The following PYHIN1 variants were observed in gnomAD, a reference collection of about 807,000 sequenced individuals.
The protein encoded by PYHIN1 is pyrin and HIN domain-containing protein 1.
Under a neutral mutation model 43.7 loss-of-function variants are expected in PYHIN1, and 32 were observed. The observed-to-expected ratio is 0.73, with a 90% confidence interval of 0.55 to 0.98. The LOEUF is 0.98. PYHIN1 is among the 50% of genes least tolerant of loss of function. PYHIN1 has a pLI of 0.00. For missense variants in PYHIN1, 588 were observed against 589.5 expected (o/e 1.00, Z 0.03); for synonymous variants, 205 against 203.1 (o/e 1.01, Z -0.08).
At chr1:158,931,948 T>C (rs1488478473) in intron 1 of PYHIN1, among the ~76,000 whole-genome samples, 172 bp downstream of exon 1, 2 of 152,196 alleles carry the variant, frequency 1.3e-5, no homozygotes, top group Non-Finnish European at 2.9e-5. Context: ...TCCAATTCTT[T>C]ACTTACTTCA....
rs1651273524 is a variant in PYHIN1 at position 158,976,623 on chromosome 1, G to A, written c.*6-78G>A. ...GAAGAGATGTGGCTCACAGGGAGGAGAGGCAGTGTGATTGAAGAAAGAAAT... is the reference window on the plus strand; with the variant it reads ...GAAGAGATGTGGCTCACAGGGAGGAAAGGCAGTGTGATTGAAGAAAGAAAT... On this transcript the variant is annotated intron_variant, in intron 8 of 8. Transcript: ENST00000368140. 2.9e-5 allele frequency: 30 copies of A among 1,039,736 alleles called. No individual in the cohort carries two copies. The South Asian group carries it at 4.3e-4, about 15-fold the overall frequency. The allele number at this position is 1,039,736 out of a possible 1,614,324, so 64.4% of individuals were successfully genotyped here.
In PYHIN1 at chr1:158,951,567, AC is replaced by A. The variant is rs202105396; in HGVS notation, c.1359+6527del. Among the ~76,000 whole-genome samples, 586 of 152,338 alleles carry A rather than the reference AC, an allele frequency of 3.8e-3. 5 individuals are homozygous for A. The highest frequency in any genetic ancestry group is 0.028 in the East Asian group (143 of 5,186). ...CGAGTGATTGAATTACGTGGTCTCC[AC>A]CAGACTAGCGCTTTTCCATGTTTAC... On this transcript the variant is annotated intron_variant, in intron 7 of 8. Transcript: ENST00000368140.
intron 7 of PYHIN1, among the ~76,000 whole-genome samples, chr1:158,959,080 GT>G (rs544870016): frequency 6.6e-6 from 1 of 151,698 alleles, no homozygotes; most frequent in Admixed American, 6.6e-5. Flanking sequence ...TGACCGTGCA[GT>G]TTTTTTCACC....
chr1:158,967,340 A>G (rs1353936663), intron 7 of PYHIN1, among the ~76,000 whole-genome samples: 2 of 152,024 alleles, frequency 1.3e-5, no homozygotes, highest in Admixed American at 6.6e-5. Context: ...CATTTTTTAC[A>G]TAAGGAAACT....
At chr1:158,967,327 T>C (rs1173178395) in intron 7 of PYHIN1, among the ~76,000 whole-genome samples, 1 of 152,042 alleles carries the variant, frequency 6.6e-6, no homozygotes, top group East Asian at 1.9e-4. Context: ...GAGGCAATCA[T>C]TTCATTTTTT....
intron 1 of PYHIN1, among the ~76,000 whole-genome samples, chr1:158,936,154 C>T (rs1001094245): frequency 7.2e-6 from 1 of 139,764 alleles, no homozygotes; most frequent in African/African-American, 2.6e-5. Context: ...TGGTGTGCTG[C>T]ACCCATTAAC....
intron 8 of PYHIN1, among the ~76,000 whole-genome samples, chr1:158,976,275 AT>A (rs1489596782): frequency 1.3e-5 from 2 of 152,224 alleles, no homozygotes; most frequent in East Asian, 3.9e-4. Context: ...AGGCTTTCTG[AT>A]TGCTCCAGTT....
chr1:158,931,789 G>C lies in PYHIN1; in HGVS notation c.-21+13G>C, dbSNP rs756881508. 3.9e-5 allele frequency: 6 copies of C among 152,040 alleles called. No homozygotes were observed. Among genetic ancestry groups the C allele is most frequent in the African/African-American group, 1.4e-4 (6 of 41,410 alleles). The allele number at this position is 152,040 out of a possible 1,614,324, so 9.4% of individuals were successfully genotyped here. A position where few individuals can be genotyped will look rare whatever the true frequency, so the allele number is the denominator to read the frequency against. ...AATTCCCAGTAAGGTGAGTACTGTG[G>C]GTATTTTTTATAGAAAAGATCTAGA... On this transcript the variant is annotated intron_variant, in intron 1 of 8. Transcript: ENST00000368140.
intron 7 of PYHIN1, among the ~76,000 whole-genome samples, chr1:158,960,972 G>T (rs1210563723): frequency 6.6e-6 from 1 of 152,114 alleles, no homozygotes; most frequent in Non-Finnish European, 1.5e-5. Flanking sequence ...ATACCAATTT[G>T]ATCTAGGGTT....
chr1:158,964,021 TG>T (rs1650478038), intron 7 of PYHIN1, among the ~76,000 whole-genome samples: 1 of 151,828 alleles, frequency 6.6e-6, no homozygotes, highest in Non-Finnish European at 1.5e-5. Flanking sequence ...ATAGAAAAAA[TG>T]GCCATCATAA....
chr1:158,937,281 G>C, intron 2 of PYHIN1, 106 bp downstream of exon 2: 1 of 1,245,628 alleles, frequency 8.0e-7, no homozygotes, highest in African/African-American at 1.5e-5. Context: ...TTCCCAATTT[G>C]TGACTCACTG....
At chr1:158,978,116 T>G (rs1651356793), downstream of PYHIN1, among the ~76,000 whole-genome samples, 1 of 151,996 alleles carries the variant, frequency 6.6e-6, no homozygotes, top group Admixed American at 6.6e-5. Flanking sequence ...ATAAATGTAG[T>G]TTTTTTTTCC....
rs1392756867 is a variant in PYHIN1, at chr1:158,933,361, A to G, written c.-21+1585A>G. Among the ~76,000 whole-genome samples, 2 of 151,614 alleles carry G rather than the reference A, an allele frequency of 1.3e-5. No homozygotes were observed. The highest frequency in any genetic ancestry group is 1.3e-4 in the Admixed American group (2 of 15,208). ...AATATACATTTATTATTATTAGATA[A>G]ATCTATAATTTAAATTATTGTATCT... On this transcript the variant is annotated intron_variant, in intron 1 of 8. Coordinates refer to ENST00000368140, the MANE Select transcript of PYHIN1 (RefSeq NM_152501.5). This position sits in a 1 kb window ranked among gnomAD's most constrained non-coding sequence, Gnocchi z 6.3.
chr1:158,950,001 T>C (rs888201040), intron 7 of PYHIN1, among the ~76,000 whole-genome samples: 2 of 152,024 alleles, frequency 1.3e-5, no homozygotes, highest in Non-Finnish European at 2.9e-5. Context: ...GATAGTGGAG[T>C]GATATGTAGT....
At chr1:158,973,464 C>T (rs1651051733) in intron 7 of PYHIN1, among the ~76,000 whole-genome samples, 183 bp from the exon 8 acceptor site, 1 of 150,536 alleles carries the variant, frequency 6.6e-6, no homozygotes, top group African/African-American at 2.4e-5. Context: ...TGCCAGCATC[C>T]AGAGAGATTA....
rs1648975255 is a variant in PYHIN1, at chr1:158,942,382, T to C, written c.985T>C (p.Leu329=). The C allele has an allele frequency of 2.5e-6, 4 of 1,595,938 alleles. No homozygotes were observed. The highest frequency in any genetic ancestry group is 2.6e-6 in the Non-Finnish European group (3 of 1,173,452). ...KQTSGYIVYG[L]FMLHTKIVNR... is the part of the protein sequence containing the mutation. Reference sequence around the variant, plus strand: ...AACTTCAGGATATATTGTATATGGATTATTTATGCTACATACGGTAAGGCA... The same window carrying C: ...AACTTCAGGATATATTGTATATGGACTATTTATGCTACATACGGTAAGGCA... The change falls in exon 5 of 9, where the codon TTA becomes CTA. Residue 329 remains leucine, a synonymous_variant. Transcript: ENST00000368140.
Position 158,973,634 on chromosome 1 carries a change from T to A in PYHIN1, c.1360-13T>A. ...AAAGTGAAAGACTAAATTACCCAAA[T>A]TTATGACTCCAGAAGGATGAAACCC... On this transcript the variant is annotated splice_polypyrimidine_tract_variant and intron_variant, in intron 7 of 8. Transcript: ENST00000368140. 1.2e-6 allele frequency: 2 copies of A among 1,612,174 alleles called. No homozygotes were observed. Among genetic ancestry groups the A allele is most frequent in the Admixed American group, 1.7e-5 (1 of 59,618 alleles).
intron 7 of PYHIN1, among the ~76,000 whole-genome samples, chr1:158,955,358 C>T (rs1160234895): frequency 2.0e-5 from 3 of 149,800 alleles, no homozygotes; most frequent in African/African-American, 7.4e-5. Context: ...GGAAGTAAAG[C>T]TCTCCTCAGC....
chr1:158,988,452 G>A, the PYHIN1 span, among the ~76,000 whole-genome samples: 1 of 152,124 alleles, frequency 6.6e-6, no homozygotes, highest in Non-Finnish European at 1.5e-5. Context: ...CAAAGAGAAA[G>A]CCTCTATGAT....
Sources: allele counts gnomAD v4.1 joint callset (sites outside exome capture counted in the v4.1 genomes callset), GRCh38; gene constraint gnomAD v4.1.1; non-coding constraint Gnocchi (gnomAD v3.1); transcripts MANE v1.5; gene names NCBI Gene and HGNC (gene_info 2026-07-23, HGNC 2026-07-21).